TMEM243: variants seen among roughly 807,000 people sequenced by gnomAD.
TMEM243 encodes the protein transmembrane protein 243, also known as MDR1 and mitochondrial taxol resistance associated.
Under a neutral mutation model 15.0 loss-of-function variants are expected in TMEM243, and 20 were observed. The observed-to-expected ratio is 1.33, with a 90% CI of 0.94 to 1.93. The LOEUF is 1.93. Ranked by LOEUF, TMEM243 falls within the 30% of genes most tolerant of loss-of-function variation. TMEM243 has a pLI of 0.00. For synonymous variants in TMEM243, 72 were observed against 52.7 expected (o/e 1.37, Z -1.59); for missense variants, 156 against 142.1 (o/e 1.10, Z -0.50).
intron 1 of TMEM243, among the ~76,000 whole-genome samples, chr7:87,209,369 AAG>A (rs978996446): frequency 2.0e-5 from 3 of 151,694 alleles, no homozygotes; most frequent in East Asian, 1.9e-4. Flanking sequence ...AGAAGAGGGG[AAG>A]AGAGAGAGGT....
intron 1 of TMEM243, among the ~76,000 whole-genome samples, chr7:87,200,427 T>G (rs940982724): frequency 4.6e-5 from 7 of 152,156 alleles, no homozygotes; most frequent in African/African-American, 1.7e-4. Context: ...ATAAAATGTG[T>G]AGAGAGACAA....
At chr7:87,202,969 C>CA (rs1174642197) in intron 1 of TMEM243, 1 of 152,262 alleles carries the variant, frequency 6.6e-6, no homozygotes, top group African/African-American at 2.4e-5. Flanking sequence ...CTTGCCTGGT[C>CA]AGTCATTAGC....
intron 1 of TMEM243, among the ~76,000 whole-genome samples, chr7:87,206,456 C>T (rs546364272): frequency 3.3e-5 from 5 of 152,290 alleles, no homozygotes; most frequent in East Asian, 1.9e-4. Flanking sequence ...TCCCCCTTAC[C>T]GGCAGGGGAT....
intron 1 of TMEM243, among the ~76,000 whole-genome samples, chr7:87,213,679 A>C (rs1158906590): frequency 6.6e-6 from 1 of 152,238 alleles, no homozygotes; most frequent in East Asian, 1.9e-4. Flanking sequence ...TAGCAACTCT[A>C]ATCTTACATG....
At chr7:87,209,383 GGAGA>G (rs925733627) in intron 1 of TMEM243, among the ~76,000 whole-genome samples, 1 of 151,832 alleles carries the variant, frequency 6.6e-6, no homozygotes, top group Admixed American at 6.6e-5. Context: ...GAGAGAGGTG[GGAGA>G]GAGACAAAGA....
intron 1 of TMEM243, among the ~76,000 whole-genome samples, chr7:87,206,680 A>G (rs928810966): frequency 7.9e-5 from 12 of 152,326 alleles, no homozygotes; most frequent in African/African-American, 2.9e-4. Context: ...AAAACTTACA[A>G]ATTATTTCTG....
intron 1 of TMEM243, among the ~76,000 whole-genome samples, chr7:87,211,122 T>C (rs1802713061): frequency 6.6e-6 from 1 of 152,190 alleles, no homozygotes; most frequent in Non-Finnish European, 1.5e-5. Flanking sequence ...CTGGGGACAT[T>C]TTCCCCATTG....
intron 1 of TMEM243, among the ~76,000 whole-genome samples, chr7:87,211,996 G>A (rs1299863552): frequency 1.3e-5 from 2 of 152,118 alleles, no homozygotes; most frequent in Non-Finnish European, 2.9e-5. Context: ...TTTTACACTC[G>A]ATTCTCTCCC....
chr7:87,196,815 C>A, intron 3 of TMEM243, 57 bp from the exon 4 acceptor site: 1 of 1,262,756 alleles, frequency 7.9e-7, no homozygotes, highest in Non-Finnish European at 1.1e-6. Context: ...TTTTCTCTAC[C>A]AATTTCAAAT....
intron 3 of TMEM243, chr7:87,197,641 A>G: frequency 9.4e-7 from 1 of 1,067,388 alleles, no homozygotes. Context: ...TTGAGTGAAG[A>G]TGAATTAAGT....
rs1216353719 is a variant in TMEM243, at chr7:87,218,898, G to A, written c.78+528C>T. Among the ~76,000 whole-genome samples the A allele has an allele frequency of 5.3e-5, 8 of 152,246 alleles. No individual in the cohort carries two copies. In the South Asian group the frequency reaches 8.3e-4, roughly 16 times the overall value. On this transcript the variant is annotated intron_variant, in intron 1 of 3. Transcript: ENST00000257637. Reference sequence around the variant, plus strand: ...GAATAACGTATGGTAGCCTGTTCAGGTTCAGGGACCCCTTGATCACTTCCT... The same window carrying A: ...GAATAACGTATGGTAGCCTGTTCAGATTCAGGGACCCCTTGATCACTTCCT...
At chr7:87,200,044 A>C (rs1801668744) in intron 1 of TMEM243, among the ~76,000 whole-genome samples, 1 of 152,192 alleles carries the variant, frequency 6.6e-6, no homozygotes, top group Non-Finnish European at 1.5e-5. Context: ...AGGACACAGG[A>C]ACAATCACAG....
In TMEM243 at chr7:87,204,133, A is replaced by T. The variant is rs146700609; in HGVS notation, c.79-5076T>A. On this transcript the variant is annotated intron_variant, in intron 1 of 3. Coordinates refer to ENST00000257637, the MANE Select transcript of TMEM243 (RefSeq NM_024315.4). ...AAATGAGAGCCAAGCAAAAGGGGAA[A>T]CCCCTTATAAAATCATCAGATCTTG... Among the ~76,000 whole-genome samples the T allele has an allele frequency of 2.8e-3, 433 of 152,206 alleles. 3 individuals carry two copies. The highest frequency in any genetic ancestry group is 8.7e-3 in the African/African-American group (361 of 41,516).
At chr7:87,209,666 G>C (rs61064302) in intron 1 of TMEM243, among the ~76,000 whole-genome samples, 13 of 132,148 alleles carry the variant, frequency 9.8e-5, no homozygotes, top group South Asian at 2.5e-4. Flanking sequence ...CAGAGCGAGA[G>C]AGAGCGAGAG....
intron 1 of TMEM243, among the ~76,000 whole-genome samples, chr7:87,206,131 TACC>T (rs1802201792): frequency 6.6e-6 from 1 of 152,204 alleles, no homozygotes; most frequent in Admixed American, 6.5e-5. Context: ...ACTTATTCAC[TACC>T]ACAAGAACAG....
chr7:87,212,187 G>A (rs1802801474), intron 1 of TMEM243, among the ~76,000 whole-genome samples: 1 of 152,190 alleles, frequency 6.6e-6, no homozygotes, highest in East Asian at 1.9e-4. Flanking sequence ...GTAAATGGCA[G>A]CTAATATGGT....
Position 87,198,061 on chromosome 7 carries a change from T to C in TMEM243, c.130-16A>G, listed in dbSNP as rs377465214. 4 of 1,604,674 alleles carry C rather than the reference T, an allele frequency of 2.5e-6. No homozygotes were observed. The highest frequency in any genetic ancestry group is 1.3e-5 in the African/African-American group (1 of 74,550). On this transcript the variant is annotated splice_polypyrimidine_tract_variant and intron_variant, in intron 2 of 3. Coordinates refer to ENST00000257637, the MANE Select transcript of TMEM243 (RefSeq NM_024315.4). ...TCAGCGTTACCTGTATGAAGAGAAA[T>C]TATGTAAGGCCTTAACAGTAATTCC... is the stretch of plus-strand genomic sequence containing the variant.
chr7:87,196,952 C>CA (rs1801328312), intron 3 of TMEM243, among the ~76,000 whole-genome samples, 194 bp from the exon 4 acceptor site: 1 of 151,924 alleles, frequency 6.6e-6, no homozygotes, highest in Non-Finnish European at 1.5e-5. Flanking sequence ...CAAGATCATA[C>CA]TTATTCCTAC....
At chr7:87,218,102 TGTCCCTGTCGTA>T (rs1446577554) in intron 1 of TMEM243, among the ~76,000 whole-genome samples, 2 of 152,276 alleles carry the variant, frequency 1.3e-5, no homozygotes, top group African/African-American at 4.8e-5. Context: ...TACCCTAACA[TGTCCCTGTCGTA>T]GCACAGATCC....
Sources: gnomAD v4.1 joint callset for allele counts (sites outside exome capture counted in the v4.1 genomes callset) on GRCh38, gnomAD v4.1.1 for gene constraint, MANE v1.5 for transcripts, NCBI Gene and HGNC (gene_info 2026-07-23, HGNC 2026-07-21) for gene names.